LETM1: variants seen among roughly 807,000 people sequenced by gnomAD.
LETM1 encodes the protein mitochondrial proton/calcium exchanger protein.
Under a neutral mutation model 74.5 loss-of-function variants are expected in LETM1, and 50 were observed. That is an observed-to-expected ratio of 0.67 (90% CI 0.53 to 0.85). The LOEUF is 0.85. LETM1 is among the 40% of genes least tolerant of loss of function. The probability of loss-of-function intolerance (pLI) is 0.00; values close to 1 mark genes in which losing one functional copy is unlikely to be tolerated. For missense variants in LETM1, 824 were observed against 967.8 expected, an observed-to-expected ratio of 0.85 and a Z score of 1.97; for synonymous variants, 446 against 407.1, an observed-to-expected ratio of 1.10 and a Z score of -1.15.
intron 11 of LETM1, among the ~76,000 whole-genome samples, chr4:1,819,127 G>A (rs1236474622): frequency 6.6e-6 from 1 of 151,606 alleles, no homozygotes; most frequent in Non-Finnish European, 1.5e-5. Context: ...TGGCCAGAAC[G>A]GCACACAGCC....
intron 13 of LETM1, among the ~76,000 whole-genome samples, chr4:1,815,406 G>T (rs1711538442): frequency 6.6e-6 from 1 of 152,230 alleles, no homozygotes; most frequent in Admixed American, 6.5e-5. Flanking sequence ...CCAGCTGGGG[G>T]CGGGGTCCAG....
At position 1,852,632 on chromosome 4, in the gene LETM1, A is replaced by G. The variant is rs1577329778; in HGVS notation, c.82+3237T>C. 2.6e-5 allele frequency among the ~76,000 whole-genome samples: 4 copies of G among 152,342 alleles called. 1 individual carries two copies. The South Asian group carries it at 8.3e-4, about 32-fold the overall frequency. On this transcript the variant is annotated intron_variant, in intron 1 of 13. Transcript: ENST00000302787. ...CTCAGGTGCAGTGATAACGAATAACAGAAGACACTCCCAAACTCACGCCTG... is the reference window on the plus strand; with the variant it reads ...CTCAGGTGCAGTGATAACGAATAACGGAAGACACTCCCAAACTCACGCCTG...
chr4:1,841,227 C>T, intron 3 of LETM1, 120 bp downstream of exon 3: 1 of 862,920 alleles, frequency 1.2e-6, no homozygotes, highest in African/African-American at 1.7e-5. Flanking sequence ...TGCCTGTGGT[C>T]CCAGATACTC....
chr4:1,812,364 C>CAAAAAAA lies in LETM1; in HGVS notation c.*2053_*2059dup, dbSNP rs5855720. On this transcript the variant is annotated 3_prime_UTR_variant, in exon 14 of 14. Transcript: ENST00000302787. ...TGGGTGACAGAGCGAGACTCTGTAT[C>CAAAAAAA]AAAAAAAAAAAAAAAAAAAAAAAAA... 1 of 42,072 alleles carries CAAAAAAA rather than the reference C, an allele frequency of 2.4e-5. No individual in the cohort carries two copies. The highest frequency in any genetic ancestry group is 4.0e-5 in the Non-Finnish European group (1 of 24,978). 2.6% of individuals were successfully genotyped at this position (42,072 alleles called of 1,614,324 possible). A position where few individuals can be genotyped will look rare whatever the true frequency, so the allele number is the denominator to read the frequency against.
chr4:1,841,110 G>A (rs142570077), intron 3 of LETM1, among the ~76,000 whole-genome samples: 2,069 of 152,300 alleles, frequency 0.014, 27 homozygotes, highest in African/African-American at 0.033. Context: ...AACACTTTAG[G>A]AGGCTGAGGT....
rs755315089 is a variant in LETM1 at position 1,811,928 on chromosome 4, T to C, written c.*2496A>G. The C allele has an allele frequency of 2.6e-5, 4 of 151,738 alleles. No individual in the cohort carries two copies. Among genetic ancestry groups the C allele is most frequent in the Non-Finnish European group, 4.4e-5 (3 of 67,986 alleles). The allele number at this position is 151,738 out of a possible 1,614,324, so 9.4% of individuals were successfully genotyped here. On this transcript the variant is annotated 3_prime_UTR_variant, in exon 14 of 14. Coordinates refer to ENST00000302787, the MANE Select transcript of LETM1 (RefSeq NM_012318.3). ...CAACATGATGAAACCCCATCTCTAA[T>C]AAAAACTTGCCCGTAATCCCAGCAC...
intron 7 of LETM1, among the ~76,000 whole-genome samples, chr4:1,824,357 C>G (rs763586103): frequency 6.6e-6 from 1 of 152,142 alleles, no homozygotes; most frequent in African/African-American, 2.4e-5. Flanking sequence ...TCAACATATA[C>G]GGGCCCGCAG....
At chr4:1,846,143 C>T (rs1387203750) in intron 2 of LETM1, among the ~76,000 whole-genome samples, 1 of 152,116 alleles carries the variant, frequency 6.6e-6, no homozygotes, top group African/African-American at 2.4e-5. Flanking sequence ...AGACGTGAGC[C>T]ACTGCGCCCG....
intron 2 of LETM1, among the ~76,000 whole-genome samples, chr4:1,844,425 TG>T (rs955553659): frequency 2.0e-5 from 3 of 152,198 alleles, no homozygotes; most frequent in African/African-American, 7.2e-5. Flanking sequence ...ATGTCCACGA[TG>T]TTCTCTTGGA....
At chr4:1,849,351 A>G (rs1270690472) in intron 1 of LETM1, 142 bp from the exon 2 acceptor site, 24 of 624,342 alleles carry the variant, frequency 3.8e-5, no homozygotes, top group Non-Finnish European at 2.7e-5. Flanking sequence ...TGCAACCTCC[A>G]CCTCCTGGGT....
At position 1,823,140 on chromosome 4, in the gene LETM1, G is replaced by A. The variant is rs1171374939; in HGVS notation, c.1333-9C>T. ...ACCTGTGCTTCCTTTGCCTTCAGAA[G>A]AGGGTACATCTGTGGGTGAGCCCAG... is the stretch of plus-strand genomic sequence containing the variant. On this transcript the variant is annotated splice_polypyrimidine_tract_variant and intron_variant, in intron 8 of 13. Coordinates refer to ENST00000302787, the MANE Select transcript of LETM1 (RefSeq NM_012318.3). The A allele has an allele frequency of 1.9e-6, 3 of 1,584,228 alleles. No homozygotes were observed. The highest frequency in any genetic ancestry group is 2.6e-6 in the Non-Finnish European group (3 of 1,162,554).
In LETM1 at chr4:1,843,116, T is replaced by C. The variant is rs1692186034; in HGVS notation, c.144-1319A>G. 6 of 232,846 alleles carry C rather than the reference T, an allele frequency of 2.6e-5. No homozygotes were observed. The South Asian group carries it at 2.6e-4, about 10-fold the overall frequency. 14.4% of individuals were successfully genotyped at this position (232,846 alleles called of 1,614,324 possible). Reference sequence around the variant, plus strand: ...AGGCCCGAGCTCCGGAGCAGACTGTTAGAGCTCAAATTCCAGCTCCATTAC... The same window carrying C: ...AGGCCCGAGCTCCGGAGCAGACTGTCAGAGCTCAAATTCCAGCTCCATTAC... On this transcript the variant is annotated intron_variant, in intron 2 of 13. Coordinates refer to ENST00000302787, the MANE Select transcript of LETM1 (RefSeq NM_012318.3).
At chr4:1,852,969 C>CGTGAA (rs150337225) in intron 1 of LETM1, among the ~76,000 whole-genome samples, 1 of 152,328 alleles carries the variant, frequency 6.6e-6, no homozygotes, top group East Asian at 1.9e-4. Flanking sequence ...CCTGGCTTCA[C>CGTGAA]CCTTGCCACT....
intron 11 of LETM1, among the ~76,000 whole-genome samples, chr4:1,818,572 C>T (rs1711660121): frequency 6.6e-6 from 1 of 151,442 alleles, no homozygotes; most frequent in East Asian, 1.9e-4. Flanking sequence ...GAGATCACGC[C>T]ACTGCACTCC....
chr4:1,829,148 C>T (rs1432537111), intron 6 of LETM1, among the ~76,000 whole-genome samples: 3 of 130,090 alleles, frequency 2.3e-5, no homozygotes, highest in Non-Finnish European at 3.2e-5. Flanking sequence ...CCGGACGGGG[C>T]GGCTGGCCGG....
At chr4:1,852,774 C>T (rs1039368607) in intron 1 of LETM1, among the ~76,000 whole-genome samples, 3 of 152,150 alleles carry the variant, frequency 2.0e-5, no homozygotes, top group African/African-American at 7.2e-5. Flanking sequence ...GCAGGAGGAT[C>T]GCTTGGAGGC....
At position 1,822,220 on chromosome 4, in the gene LETM1, C is replaced by G; in HGVS notation, c.1569G>C (p.Glu523Asp). The G allele has an allele frequency of 1.3e-6, 2 of 1,522,330 alleles. No individual in the cohort carries two copies. Among genetic ancestry groups the G allele is most frequent in the Non-Finnish European group, 8.9e-7 (1 of 1,125,008 alleles). 94.3% of individuals were successfully genotyped at this position (1,522,330 alleles called of 1,614,324 possible). The change falls in exon 10 of 14, where the codon GAG becomes GAC. Residue 523 changes from glutamate to aspartate, a missense_variant. By Grantham distance (45) the Glu-to-Asp change is conservative. Transcript: ENST00000302787. ...GCACCGGGGCAGTGTCCTTCAAGGT[C>G]TCTGACTGCAGGACTGTGTCAGGCA... ...PEMPDTVLQS[E>D]TLKDTAPVLE...
chr4:1,820,567 T>C (rs1296294227), intron 10 of LETM1, among the ~76,000 whole-genome samples: 1 of 152,012 alleles, frequency 6.6e-6, no homozygotes, highest in Non-Finnish European at 1.5e-5. Context: ...CAGCTGGAGG[T>C]GTTTCTGCAG....
At chr4:1,843,566 A>T (rs1712779381) in intron 2 of LETM1, among the ~76,000 whole-genome samples, 2 of 152,218 alleles carry the variant, frequency 1.3e-5, no homozygotes, top group Non-Finnish European at 2.9e-5. Flanking sequence ...TCAATTACAG[A>T]CATGCAAACC....
Sources: gnomAD v4.1 joint callset for allele counts (sites outside exome capture counted in the v4.1 genomes callset) on GRCh38, gnomAD v4.1.1 for gene constraint, MANE v1.5 for transcripts, NCBI Gene and HGNC (gene_info 2026-07-23, HGNC 2026-07-21) for gene names.